The following ASTN2 variants were observed in gnomAD, a reference collection of about 807,000 sequenced individuals.
ASTN2 encodes astrotactin 2.
In ASTN2, 54 loss-of-function variants were observed where a neutral mutation model predicts 139.8. The observed-to-expected ratio is 0.39, with a 90% CI of 0.31 to 0.48. The LOEUF (loss-of-function observed/expected upper bound fraction) is 0.48. ASTN2 is among the 20% of genes least tolerant of loss of function. The pLI is 0.95. For synonymous variants in ASTN2, 756 were observed against 719.5 expected (o/e 1.05, Z -0.81); for missense variants, 1,565 against 1,725.1 (o/e 0.91, Z 1.64).
At chr9:116,956,106 T>G (rs1835699798) in intron 10 of ASTN2, among the ~76,000 whole-genome samples, 1 of 148,234 alleles carries the variant, frequency 6.7e-6, no homozygotes, top group African/African-American at 2.5e-5. Flanking sequence ...TTTTTTTTTT[T>G]TTTTTTGAGA....
chr9:116,625,006 T>A (rs967695163), intron 17 of ASTN2, among the ~76,000 whole-genome samples: 1 of 152,170 alleles, frequency 6.6e-6, no homozygotes, highest in African/African-American at 2.4e-5. Flanking sequence ...AAATAAATGA[T>A]AAAAGCAAAG....
intron 1 of ASTN2, among the ~76,000 whole-genome samples, chr9:117,354,184 C>G (rs1259874704): frequency 6.6e-6 from 1 of 152,040 alleles, no homozygotes; most frequent in Non-Finnish European, 1.5e-5. Context: ...CTCTGTACTT[C>G]CTGCTTAATC....
intron 16 of ASTN2, among the ~76,000 whole-genome samples, chr9:116,677,961 GTATGTT>G (rs1184699637): frequency 6.6e-6 from 1 of 152,104 alleles, no homozygotes. Flanking sequence ...TATATGTGTT[GTATGTT>G]TATATCTAAA....
chr9:116,444,087 G>T (rs1293657036), intron 20 of ASTN2, among the ~76,000 whole-genome samples: 1 of 144,376 alleles, frequency 6.9e-6, no homozygotes, highest in African/African-American at 2.5e-5. Context: ...AATCCTAAAA[G>T]ACAGGCACTA....
At chr9:116,442,673 G>T (rs1257882520) in intron 20 of ASTN2, 120 bp from the exon 21 acceptor site, 1 of 806,924 alleles carries the variant, frequency 1.2e-6, no homozygotes, top group Non-Finnish European at 2.1e-6. Context: ...TTTAAAAAAA[G>T]AATGATACTT....
At chr9:116,736,727 G>A (rs572079493) in intron 13 of ASTN2, among the ~76,000 whole-genome samples, 50 of 152,324 alleles carry the variant, frequency 3.3e-4, no homozygotes, top group East Asian at 1.4e-3. Context: ...ATGCATTTGG[G>A]AAATGAAATC....
At chr9:117,376,467 C>A (rs557412314) in intron 1 of ASTN2, among the ~76,000 whole-genome samples, 128 of 152,264 alleles carry the variant, frequency 8.4e-4, no homozygotes, top group South Asian at 5.4e-3. Flanking sequence ...TTTGGTGATT[C>A]TCTGGGTTGA....
chr9:117,020,499 T>C lies in ASTN2; in HGVS notation c.1424-12240A>G, dbSNP rs12001951. Among the ~76,000 whole-genome samples, 1,141 of 152,190 alleles carry C rather than the reference T, an allele frequency of 7.5e-3. 6 individuals are homozygous for C. The highest frequency in any genetic ancestry group is 0.026 in the African/African-American group (1,061 of 41,542). ...TCCTCATATCCTGAAGTTTCCTCCT[T>C]ACTACCCGTATCTTCCCAGATTATA... On this transcript the variant is annotated intron_variant, in intron 6 of 22. Transcript: ENST00000313400.
chr9:117,023,034 G>A (rs1311770783), intron 6 of ASTN2, among the ~76,000 whole-genome samples: 1 of 151,908 alleles, frequency 6.6e-6, no homozygotes, highest in Admixed American at 6.6e-5. Flanking sequence ...AAATGAGAGG[G>A]GTGGGGTAAA....
chr9:116,866,249 A>G (rs1833011652), intron 10 of ASTN2, among the ~76,000 whole-genome samples: 1 of 152,214 alleles, frequency 6.6e-6, no homozygotes, highest in Non-Finnish European at 1.5e-5. Context: ...AAAACACCCA[A>G]AGGCTTAGAC....
intron 19 of ASTN2, among the ~76,000 whole-genome samples, chr9:116,520,907 G>A (rs1850842323): frequency 6.6e-6 from 1 of 151,600 alleles, no homozygotes; most frequent in Non-Finnish European, 1.5e-5. Context: ...CACAATAGCT[G>A]CAAATAAATA....
At chr9:116,632,187 A>AGAGG (rs1856801132) in intron 17 of ASTN2, among the ~76,000 whole-genome samples, 31 of 35,926 alleles carry the variant, frequency 8.6e-4, no homozygotes, top group Admixed American at 1.5e-3. Context: ...AGAGAGAGGG[A>AGAGG]GAGAGAGAGA....
In ASTN2 at chr9:116,845,538, CA is replaced by C. The variant is rs546192093; in HGVS notation, c.2040+18044del. On this transcript the variant is annotated intron_variant, in intron 11 of 22. Coordinates refer to ENST00000313400, the MANE Select transcript of ASTN2 (RefSeq NM_001365068.1). ...TTATGATAAAAAATGTGCCAAACAA[CA>C]AAAAACAACCTGATTAAAACATGGG... is the stretch of plus-strand genomic sequence containing the variant. Among the ~76,000 whole-genome samples, 921 of 152,138 alleles carry C rather than the reference CA, an allele frequency of 6.1e-3. 8 individuals carry two copies. Among genetic ancestry groups the C allele is most frequent in the African/African-American group, 0.021 (866 of 41,520 alleles).
chr9:116,797,392 A>T (rs927394272), intron 13 of ASTN2, among the ~76,000 whole-genome samples: 1 of 151,806 alleles, frequency 6.6e-6, no homozygotes, highest in African/African-American at 2.4e-5. Context: ...GGAGCCACAC[A>T]AAAGAAAAGA....
chr9:117,076,940 GA>G (rs1240493830), intron 5 of ASTN2, among the ~76,000 whole-genome samples: 2 of 151,688 alleles, frequency 1.3e-5, no homozygotes, highest in African/African-American at 4.9e-5. Context: ...GTTTGAGAGT[GA>G]AAAATTATCT....
In ASTN2 at chr9:116,839,875, ATTATTATTTTTT is replaced by A. The variant is rs1264936025; in HGVS notation, c.2041-19104_2041-19093del. ...ATTTTATTTCATTATTATTATTATT[ATTATTATTTTTT>A]TTTTTTTAATTGATCATTCTTGGGT... On this transcript the variant is annotated intron_variant, in intron 11 of 22. Transcript: ENST00000313400. Among the ~76,000 whole-genome samples the A allele has an allele frequency of 9.1e-3, 968 of 106,028 alleles. 7 individuals carry two copies. The highest frequency in any genetic ancestry group is 0.043 in the African/African-American group (937 of 21,772). 69.6% of individuals were successfully genotyped at this position (106,028 alleles called of 152,430 possible).
At chr9:116,799,182 CA>C (rs1019322310) in intron 13 of ASTN2, among the ~76,000 whole-genome samples, 2 of 152,042 alleles carry the variant, frequency 1.3e-5, no homozygotes, top group African/African-American at 4.8e-5. Flanking sequence ...TCATAGGCCA[CA>C]ACAGCTTTGG....
chr9:116,711,908 C>T (rs1017361226), intron 16 of ASTN2, among the ~76,000 whole-genome samples: 1 of 152,208 alleles, frequency 6.6e-6, no homozygotes, highest in Non-Finnish European at 1.5e-5. Context: ...TCTAGCATCT[C>T]ACATATACTT....
chr9:117,354,479 C>T (rs1031827708), intron 1 of ASTN2, among the ~76,000 whole-genome samples: 1 of 152,150 alleles, frequency 6.6e-6, no homozygotes, highest in African/African-American at 2.4e-5. Context: ...ACCCAAATCC[C>T]CCTTTTTGAA....
Sources: gnomAD v4.1 joint callset for allele counts (sites outside exome capture counted in the v4.1 genomes callset) on GRCh38, gnomAD v4.1.1 for gene constraint, MANE v1.5 for transcripts, NCBI Gene and HGNC (gene_info 2026-07-23, HGNC 2026-07-21) for gene names.